The following UGGT2 variants were observed in gnomAD, a reference collection of about 807,000 sequenced individuals.
UGGT2 encodes UDP-glucose:glycoprotein glucosyltransferase 2.
In UGGT2, 180 loss-of-function variants were observed where a neutral mutation model predicts 192.1. The observed-to-expected ratio is 0.94, with a 90% CI of 0.83 to 1.06. The LOEUF (loss-of-function observed/expected upper bound fraction) is 1.06. UGGT2 is among the 50% of genes least tolerant of loss of function. UGGT2 has a pLI of 0.00. For synonymous variants in UGGT2, 580 were observed against 591.0 expected (o/e 0.98, Z 0.27); for missense variants, 1,849 against 1,795.7 (o/e 1.03, Z -0.54).
chr13:95,960,131 TA>T (rs963092418), intron 12 of UGGT2, among the ~76,000 whole-genome samples: 1 of 152,136 alleles, frequency 6.6e-6, no homozygotes, highest in African/African-American at 2.4e-5. Flanking sequence ...TGGAAATTTT[TA>T]AAAAATGGAA....
At chr13:95,806,788 T>C (rs531123979) in intron 38 of UGGT2, among the ~76,000 whole-genome samples, 1 of 152,192 alleles carries the variant, frequency 6.6e-6, no homozygotes, top group South Asian at 2.1e-4. Context: ...AATGGGGAAA[T>C]GACAGTCTCT....
intron 20 of UGGT2, among the ~76,000 whole-genome samples, chr13:95,908,863 G>A (rs1189869289): frequency 3.9e-5 from 5 of 126,902 alleles, no homozygotes; most frequent in Admixed American, 8.6e-5. Flanking sequence ...TGTCAGATGA[G>A]TAGGTTGCGA....
In UGGT2 at chr13:96,045,694, G is replaced by A. The variant is rs544513394; in HGVS notation, c.158+7461C>T. ...AGTTGCTCTCTTATATACCAACAGC[G>A]ACCAAACTGAGAATCTAATCAAGAA... On this transcript the variant is annotated intron_variant, in intron 1 of 38. Transcript: ENST00000376747. Among the ~76,000 whole-genome samples the A allele has an allele frequency of 6.5e-4, 99 of 152,050 alleles. 1 individual carries two copies. Among genetic ancestry groups the A allele is most frequent in the South Asian group, 1.5e-3 (7 of 4,814 alleles).
intron 1 of UGGT2, among the ~76,000 whole-genome samples, chr13:96,038,662 C>A (rs540115195): frequency 2.6e-5 from 4 of 152,200 alleles, no homozygotes; most frequent in Non-Finnish European, 5.9e-5. Flanking sequence ...AGTCTGAAGT[C>A]AAGGTTTGAG....
At chr13:95,849,659 G>A (rs1166550434) in intron 36 of UGGT2, among the ~76,000 whole-genome samples, 1 of 151,266 alleles carries the variant, frequency 6.6e-6, no homozygotes, top group Non-Finnish European at 1.5e-5. Flanking sequence ...ACAGACTTTG[G>A]ATTCAGTCTT....
rs149577746 is a variant in UGGT2 at position 95,844,927 on chromosome 13, T to C, written c.4285-7725A>G. ...TAAGTATGATGTTAGCTGTAGGTTTTTCATAGATGCCCTTTATCAGGATGA... is the reference window on the plus strand; with the variant it reads ...TAAGTATGATGTTAGCTGTAGGTTTCTCATAGATGCCCTTTATCAGGATGA... On this transcript the variant is annotated intron_variant, in intron 36 of 38. Coordinates refer to ENST00000376747, the MANE Select transcript of UGGT2 (RefSeq NM_020121.4). Among the ~76,000 whole-genome samples the C allele has an allele frequency of 1.8e-3, 273 of 152,352 alleles. 2 individuals are homozygous for C. The highest frequency in any genetic ancestry group is 6.3e-3 in the African/African-American group (262 of 41,582).
intron 25 of UGGT2, 130 bp downstream of exon 25, chr13:95,890,732 A>G: frequency 1.4e-6 from 1 of 730,540 alleles, no homozygotes; most frequent in East Asian, 2.7e-5. Flanking sequence ...CATTTTCTAC[A>G]TTGAAATATG....
chr13:95,832,370 T>C (rs1337422147), intron 38 of UGGT2, among the ~76,000 whole-genome samples: 1 of 152,118 alleles, frequency 6.6e-6, no homozygotes, highest in Non-Finnish European at 1.5e-5. Flanking sequence ...AGCACATTTG[T>C]TGAACACTTA....
intron 2 of UGGT2, among the ~76,000 whole-genome samples, chr13:96,029,348 G>A (rs1411873396): frequency 6.6e-6 from 1 of 151,912 alleles, no homozygotes; most frequent in Non-Finnish European, 1.5e-5. Context: ...GTCCAGTGGT[G>A]TGATCTCGGC....
chr13:95,929,097 G>A (rs2049150983), intron 17 of UGGT2, among the ~76,000 whole-genome samples: 1 of 152,150 alleles, frequency 6.6e-6, no homozygotes, highest in Non-Finnish European at 1.5e-5. Flanking sequence ...GGCAGGCTGA[G>A]GCAGGAGAAT....
At chr13:95,997,316 G>C (rs1004091308) in intron 6 of UGGT2, among the ~76,000 whole-genome samples, 1 of 152,258 alleles carries the variant, frequency 6.6e-6, no homozygotes. Context: ...TAACAGAGCA[G>C]CAAGATAGGC....
chr13:95,819,603 A>T (rs1885288344), intron 38 of UGGT2, among the ~76,000 whole-genome samples: 1 of 152,224 alleles, frequency 6.6e-6, no homozygotes, highest in African/African-American at 2.4e-5. Flanking sequence ...CTCATGAAAC[A>T]TTCATAAAAA....
chr13:95,985,188 C>T (rs937416888), intron 9 of UGGT2: 19 of 844,554 alleles, frequency 2.2e-5, no homozygotes, highest in African/African-American at 5.5e-5. Context: ...ATTTTTATAA[C>T]GGCCATTAAT....
In UGGT2 at chr13:95,894,577, A is replaced by G. The variant is rs1566650715; in HGVS notation, c.2840T>C (p.Leu947Pro). 6 of 1,610,380 alleles carry G rather than the reference A, an allele frequency of 3.7e-6. No individual in the cohort carries two copies. Among genetic ancestry groups the G allele is most frequent in the Non-Finnish European group, 4.2e-6 (5 of 1,177,972 alleles). Residue 947 changes from leucine (L) to proline (P), a missense_variant, in exon 24 of 39, where the codon CTT becomes CCT. Leu to Pro is a moderately conservative substitution (Grantham distance 98, BLOSUM62 -3). Coordinates refer to ENST00000376747, the MANE Select transcript of UGGT2 (RefSeq NM_020121.4). ...KRASRYDVTF[L>P]RENHSVIKTN... ...ACATTCTTACCTGTGATTCTCCCTA[A>G]GAAATGTGACATCATATCGAGATGC...
chr13:95,947,065 A>G lies in UGGT2; in HGVS notation c.1649T>C (p.Ile550Thr). The G allele has an allele frequency of 6.2e-7, 1 of 1,606,260 alleles. No individual in the cohort carries two copies. Among genetic ancestry groups the G allele is most frequent in the Non-Finnish European group, 8.5e-7 (1 of 1,178,006 alleles). Residue 550 changes from isoleucine to threonine, a missense_variant, in exon 15 of 39, where the codon ATA becomes ACA. By Grantham distance (89) the Ile-to-Thr change is moderately conservative. Transcript: ENST00000376747. ...TACTATAGAAATAAATGCTTCTGAT[A>G]TATCAAATTCTTCTGCAATATAGTT... ...AFNYIAEEFD[I>T]SEAFISIVHM...
At chr13:95,859,729 T>C (rs1889980138) in intron 32 of UGGT2, 54 bp from the exon 33 acceptor site, 10 of 1,308,838 alleles carry the variant, frequency 7.6e-6, no homozygotes, top group Non-Finnish European at 1.0e-5. Context: ...GGAGCTCATA[T>C]ATATTTTTTA....
At chr13:95,937,150 A>C in intron 16 of UGGT2, 62 bp from the exon 17 acceptor site, 1 of 1,513,112 alleles carries the variant, frequency 6.6e-7, no homozygotes, top group African/African-American at 1.4e-5. Flanking sequence ...AATAAACATA[A>C]GAAAATGGAA....
intron 34 of UGGT2, among the ~76,000 whole-genome samples, chr13:95,854,726 TTA>T (rs1448253779): frequency 6.6e-6 from 1 of 152,206 alleles, no homozygotes; most frequent in Non-Finnish European, 1.5e-5. Context: ...GAATATTTTG[TTA>T]TGTCATTTAT....
chr13:95,855,971 A>G (rs1047855889), intron 34 of UGGT2, among the ~76,000 whole-genome samples, 187 bp downstream of exon 34: 4 of 152,194 alleles, frequency 2.6e-5, no homozygotes, highest in Non-Finnish European at 5.9e-5. Context: ...ACTTCTTACA[A>G]TACCTTCAAT....
Sources: allele counts gnomAD v4.1 joint callset (sites outside exome capture counted in the v4.1 genomes callset), GRCh38; gene constraint gnomAD v4.1.1; transcripts MANE v1.5; gene names NCBI Gene and HGNC (gene_info 2026-07-23, HGNC 2026-07-21).